Variants in DNAH14 observed in about 807,000 individuals in gnomAD.
The protein encoded by DNAH14 is axonemal beta dynein heavy chain 14.
In DNAH14, 478 loss-of-function variants were observed where a neutral mutation model predicts 520.9. The ratio of observed to expected loss-of-function variants is 0.92; its 90% CI spans 0.85 to 0.99. The LOEUF (loss-of-function observed/expected upper bound fraction) is 0.99, where lower values mean the gene tolerates loss of function less well. Among genes scored for constraint, DNAH14 ranks in the 50% least tolerant of loss-of-function variants. DNAH14 has a pLI of 0.00. For missense variants in DNAH14, 4,831 were observed against 5,234.5 expected, an observed-to-expected ratio of 0.92 and a Z score of 2.38; for synonymous variants, 1,581 against 1,757.2, an observed-to-expected ratio of 0.90 and a Z score of 2.51.
intron 23 of DNAH14, among the ~76,000 whole-genome samples, chr1:225,109,925 C>T (rs924225462): frequency 6.6e-6 from 1 of 152,110 alleles, no homozygotes; most frequent in African/African-American, 2.4e-5. Flanking sequence ...GCTTTATCAG[C>T]ATCAATTGAA....
intron 17 of DNAH14, 84 bp downstream of exon 17, chr1:225,051,879 T>A (rs2068570178): frequency 3.1e-6 from 3 of 966,338 alleles, no homozygotes; most frequent in Non-Finnish European, 4.4e-6. Flanking sequence ...AGAGAATATA[T>A]GATATCATGT....
Position 225,399,269 on chromosome 1 carries a change from A to T in DNAH14, c.13854A>T (p.Ter4618TyrextTer?), listed in dbSNP as rs41305733. Residue 4618 changes from the stop codon to tyrosine (Y), a stop_lost, in exon 86 of 86, where the codon TAA becomes TAT. Coordinates refer to ENST00000682510, the MANE Select transcript of DNAH14 (RefSeq NM_001367479.1). The stretch of plus-strand genomic sequence containing the variant: ...TGCTTTGTGAGAAGAATGAAAAATA[A>T]ATGTCCATATCAAACCATTTTAATT... Reference protein sequence around the residue: ...VALLCEKNEK* With the variant: ...VALLCEKNEKY 8.0e-3 allele frequency: 12,363 copies of T among 1,548,816 alleles called. 61 individuals are homozygous for T. Among genetic ancestry groups the T allele is most frequent in the Non-Finnish European group, 9.3e-3 (10,588 of 1,144,598 alleles).
At chr1:225,104,323 C>G (rs2075815370) in intron 23 of DNAH14, among the ~76,000 whole-genome samples, 2 of 152,140 alleles carry the variant, frequency 1.3e-5, no homozygotes, top group South Asian at 4.1e-4. Flanking sequence ...TGATGTTCAT[C>G]AGGGATATTG....
intron 66 of DNAH14, among the ~76,000 whole-genome samples, chr1:225,336,493 A>G (rs1428665495): frequency 4.6e-5 from 1 of 21,628 alleles, no homozygotes; most frequent in Non-Finnish European, 7.6e-5. Flanking sequence ...AACTATAGGG[A>G]AAAAATAGAC....
intron 43 of DNAH14, among the ~76,000 whole-genome samples, chr1:225,243,907 C>T (rs2092120511): frequency 6.6e-6 from 1 of 151,880 alleles, no homozygotes; most frequent in Non-Finnish European, 1.5e-5. Context: ...GTGAAGAGGG[C>T]ATTCTTGCAT....
chr1:225,101,271 A>G (rs1204614889), intron 23 of DNAH14, among the ~76,000 whole-genome samples: 1 of 151,862 alleles, frequency 6.6e-6, no homozygotes, highest in Non-Finnish European at 1.5e-5. Context: ...GGGGTACATG[A>G]TATATTTTAA....
chr1:225,310,843 A>G (rs1447656090), intron 60 of DNAH14, among the ~76,000 whole-genome samples: 1 of 152,126 alleles, frequency 6.6e-6, no homozygotes, highest in African/African-American at 2.4e-5. Flanking sequence ...AATCCAGTCT[A>G]TCACTGATGG....
intron 73 of DNAH14, among the ~76,000 whole-genome samples, chr1:225,355,665 T>TA (rs890268433): frequency 1.3e-5 from 2 of 152,204 alleles, no homozygotes; most frequent in African/African-American, 2.4e-5. Flanking sequence ...TCAGATTTTT[T>TA]AAAAAAATAT....
rs1259610068 is a variant in DNAH14 at position 225,043,011 on chromosome 1, A to G, written c.1665A>G (p.Ser555=). 1.3e-6 allele frequency: 2 copies of G among 1,551,884 alleles called. No individual in the cohort carries two copies. Among genetic ancestry groups the G allele is most frequent in the South Asian group, 1.2e-5 (1 of 84,054 alleles). Residue 555 remains serine, a synonymous_variant, in exon 13 of 86, where the codon TCA becomes TCG. Transcript: ENST00000682510. ...GTGTGATGTTTGAAGATGAAATGTC[A>G]GAAAATAAAGACAATTGTGTCAAAA... ...EECVMFEDEM[S]ENKDNCVKKH... is the part of the protein sequence containing the mutation.
At chr1:225,034,045 C>T (rs756379578) in intron 11 of DNAH14, among the ~76,000 whole-genome samples, 1 of 152,140 alleles carries the variant, frequency 6.6e-6, no homozygotes, top group Non-Finnish European at 1.5e-5. Context: ...TATTTGGATG[C>T]ACTTTATTTC....
At chr1:225,127,075 GT>G (rs2148918877) in intron 27 of DNAH14, among the ~76,000 whole-genome samples, 1 of 151,878 alleles carries the variant, frequency 6.6e-6, no homozygotes, top group South Asian at 2.1e-4. Flanking sequence ...CTGAGAGACA[GT>G]TTGTTATAAT....
At chr1:225,242,045 A>G (rs752821960) in intron 43 of DNAH14, among the ~76,000 whole-genome samples, 1 of 152,142 alleles carries the variant, frequency 6.6e-6, no homozygotes, top group Non-Finnish European at 1.5e-5. Flanking sequence ...CAACATAGTG[A>G]GACCCATCCA....
chr1:225,023,788 C>G lies in DNAH14; in HGVS notation c.1281C>G (p.Val427=). The G allele has an allele frequency of 3.9e-6, 6 of 1,550,340 alleles. No homozygotes were observed. Among genetic ancestry groups the G allele is most frequent in the Admixed American group, 2.0e-5 (1 of 50,924 alleles). ...TTCGTCAACTTATGAACACTGCAGTCACACTACTTTTGGAATTATTTAATG... is the reference window on the plus strand; with the variant it reads ...TTCGTCAACTTATGAACACTGCAGTGACACTACTTTTGGAATTATTTAATG... The part of the protein sequence containing the change: ...ELIRQLMNTA[V]TLLLELFNGS... Residue 427 remains valine (V), a synonymous_variant, in exon 11 of 86, where the codon GTC becomes GTG. Coordinates refer to ENST00000682510, the MANE Select transcript of DNAH14 (RefSeq NM_001367479.1).
chr1:225,077,753 T>C (rs2072475849), intron 17 of DNAH14, among the ~76,000 whole-genome samples: 1 of 152,200 alleles, frequency 6.6e-6, no homozygotes, highest in African/African-American at 2.4e-5. Flanking sequence ...TTAAGGCCTC[T>C]TAATATAAAC....
chr1:225,118,090 G>A (rs754707113), intron 25 of DNAH14, 91 bp downstream of exon 25: 88 of 980,104 alleles, frequency 9.0e-5, no homozygotes, highest in East Asian at 3.7e-4. Flanking sequence ...ATAAAAGTGC[G>A]CTAAGCAAAC....
At position 225,323,873 on chromosome 1, in the gene DNAH14, C is replaced by T. The variant is rs192727880; in HGVS notation, c.9496-349C>T. On this transcript the variant is annotated intron_variant, in intron 62 of 85. Transcript: ENST00000682510. Reference sequence around the variant, plus strand: ...ACTCTGTGCACTCGCTGGAGTGCAGCGGCATGATCTTGGCTCACTGCAACC... The same window carrying T: ...ACTCTGTGCACTCGCTGGAGTGCAGTGGCATGATCTTGGCTCACTGCAACC... Among the ~76,000 whole-genome samples, 14 of 151,090 alleles carry T rather than the reference C, an allele frequency of 9.3e-5. No homozygotes were observed. The East Asian group carries it at 2.2e-3, about 23-fold the overall frequency.
intron 81 of DNAH14, among the ~76,000 whole-genome samples, chr1:225,382,172 C>T (rs1053261310): frequency 5.9e-5 from 9 of 152,122 alleles, no homozygotes; most frequent in Non-Finnish European, 1.2e-4. Context: ...ACAGCATTTG[C>T]TTTGAGGGAA....
intron 83 of DNAH14, among the ~76,000 whole-genome samples, chr1:225,391,641 A>G (rs1412664745): frequency 6.6e-6 from 1 of 152,062 alleles, no homozygotes; most frequent in Admixed American, 6.6e-5. Context: ...GAAGGAGGTT[A>G]AGCATGACTC....
At position 225,232,364 on chromosome 1, in the gene DNAH14, G is replaced by A. The variant is rs2091215616; in HGVS notation, c.6518+1213G>A. Among the ~76,000 whole-genome samples the A allele has an allele frequency of 6.6e-6, 1 of 151,934 alleles. No individual in the cohort carries two copies. The highest frequency in any genetic ancestry group is 6.6e-5 in the Admixed American group (1 of 15,250). On this transcript the variant is annotated intron_variant, in intron 42 of 85. Coordinates refer to ENST00000682510, the MANE Select transcript of DNAH14 (RefSeq NM_001367479.1). This position sits in a 1 kb window ranked among gnomAD's most constrained non-coding sequence, Gnocchi z 4.2. The stretch of plus-strand genomic sequence containing the variant: ...ATTTTCAATTTTGTTATTAACAATA[G>A]TAATATGATTAATGTGCTTGTACAT...
Sources: gnomAD v4.1 joint callset for allele counts (sites outside exome capture counted in the v4.1 genomes callset) on GRCh38, gnomAD v4.1.1 for gene constraint, Gnocchi (gnomAD v3.1) non-coding constraint, MANE v1.5 for transcripts, NCBI Gene and HGNC (gene_info 2026-07-23, HGNC 2026-07-21) for gene names.